Variants in XRN2 observed in about 807,000 individuals in gnomAD.
XRN2 encodes 5'-3' exoribonuclease 2, also known as DHM1-like protein.
Under a neutral mutation model 138.5 loss-of-function variants are expected in XRN2, and 44 were observed. The observed-to-expected ratio is 0.32, with a 90% confidence interval of 0.25 to 0.41. The LOEUF is 0.41. XRN2 is among the 10% of genes least tolerant of loss of function. The probability of loss-of-function intolerance (pLI) is 1.00; values close to 1 mark genes in which losing one functional copy is unlikely to be tolerated. For missense variants in XRN2, 937 were observed against 1,169.3 expected (o/e 0.80, Z 2.90); for synonymous variants, 354 against 369.4 (o/e 0.96, Z 0.48).
At chr20:21,383,005 G>C (rs1181339522) in intron 28 of XRN2, among the ~76,000 whole-genome samples, 1 of 152,102 alleles carries the variant, frequency 6.6e-6, no homozygotes, top group African/African-American at 2.4e-5. Context: ...GAAATGAATA[G>C]TGTTTTTATA....
At chr20:21,380,239 C>A (rs1056781010) in intron 27 of XRN2, among the ~76,000 whole-genome samples, 1 of 152,078 alleles carries the variant, frequency 6.6e-6, no homozygotes, top group Non-Finnish European at 1.5e-5. Context: ...TATATAAGGG[C>A]ACTAAAATGA....
chr20:21,382,329 CTG>C (rs2038894974), intron 28 of XRN2, among the ~76,000 whole-genome samples: 1 of 152,158 alleles, frequency 6.6e-6, no homozygotes, highest in Non-Finnish European at 1.5e-5. Context: ...CAGCTTAAAA[CTG>C]TATTAGGTTT....
intron 27 of XRN2, among the ~76,000 whole-genome samples, chr20:21,379,595 G>A (rs1035115349): frequency 4.6e-5 from 7 of 152,164 alleles, no homozygotes; most frequent in Non-Finnish European, 1.0e-4. Context: ...TGTCCTGGAG[G>A]TGAGAGATAG....
At chr20:21,339,464 G>A (rs190153969) in intron 14 of XRN2, among the ~76,000 whole-genome samples, 3 of 152,272 alleles carry the variant, frequency 2.0e-5, no homozygotes, top group African/African-American at 7.2e-5. Context: ...CTCTAAACTT[G>A]TTTCTCTGCT....
At chr20:21,303,500 A>C in intron 1 of XRN2, 27 bp downstream of exon 1, 3 of 1,534,262 alleles carry the variant, frequency 2.0e-6, no homozygotes, top group East Asian at 2.6e-5. Context: ...CGGCCGCCAC[A>C]CTCGAGCCCG....
In XRN2 at chr20:21,319,422, G is replaced by A. The variant is rs983549421; in HGVS notation, c.76-6857G>A. Among the ~76,000 whole-genome samples, 12 of 151,788 alleles carry A rather than the reference G, an allele frequency of 7.9e-5. No homozygotes were observed. The South Asian group carries it at 1.4e-3, about 18-fold the overall frequency. On this transcript the variant is annotated intron_variant, in intron 1 of 29. Transcript: ENST00000377191. ...AGTTACATTTTACTTTTTGTTTTTT[G>A]TATGTCTCATGTCATTTTTCTCTAT...
intron 1 of XRN2, among the ~76,000 whole-genome samples, chr20:21,321,129 C>T (rs923467165): frequency 1.3e-5 from 2 of 152,102 alleles, no homozygotes; most frequent in Non-Finnish European, 2.9e-5. Flanking sequence ...GATTCTCCCA[C>T]CTCAGCCTCC....
intron 29 of XRN2, among the ~76,000 whole-genome samples, chr20:21,388,035 C>G (rs1043432284): frequency 1.1e-4 from 17 of 152,204 alleles, no homozygotes; most frequent in African/African-American, 3.9e-4. Context: ...AAAATCGTGT[C>G]AGTGAACTAA....
chr20:21,321,687 A>G (rs1203275928), intron 1 of XRN2, among the ~76,000 whole-genome samples: 3 of 152,116 alleles, frequency 2.0e-5, no homozygotes, highest in Admixed American at 2.0e-4. Context: ...ACTTTTGCAA[A>G]TGAATTTTGT....
intron 6 of XRN2, 69 bp from the exon 7 acceptor site, chr20:21,331,492 T>TA: frequency 7.5e-7 from 1 of 1,339,482 alleles, no homozygotes; most frequent in East Asian, 2.3e-5. Flanking sequence ...TTGAGACATA[T>TA]AATTCTTTTG....
intron 27 of XRN2, among the ~76,000 whole-genome samples, chr20:21,374,840 T>A (rs2038800582): frequency 6.6e-6 from 1 of 151,952 alleles, no homozygotes; most frequent in East Asian, 1.9e-4. Flanking sequence ...TTGTTCTCTG[T>A]ATGGGTTATC....
chr20:21,332,582 A>G, intron 9 of XRN2, 142 bp downstream of exon 9: 2 of 833,810 alleles, frequency 2.4e-6, no homozygotes, highest in Non-Finnish European at 3.4e-6. Context: ...TGTTTTTAAA[A>G]TGGATGAAGA....
intron 14 of XRN2, 29 bp downstream of exon 14, chr20:21,339,117 G>T: frequency 6.3e-7 from 1 of 1,584,806 alleles, no homozygotes; most frequent in South Asian, 1.1e-5. Flanking sequence ...CATGAGATTG[G>T]CAATAGCGTA....
chr20:21,303,366 C>T lies in XRN2; in HGVS notation c.-33C>T, dbSNP rs182718306. 7.5e-4 allele frequency: 1,158 copies of T among 1,541,570 alleles called. 8 individuals carry two copies. In the African/African-American group the frequency reaches 0.014, roughly 19 times the overall value. ...CCGTCTCTTTGGTTACGCTCGTCAG[C>T]CGGTCGGCCGCCGCCTCCAGCCGTG... On this transcript the variant is annotated 5_prime_UTR_variant, in exon 1 of 30. Coordinates refer to ENST00000377191, the MANE Select transcript of XRN2 (RefSeq NM_012255.5).
At chr20:21,328,059 G>A (rs927615868) in intron 3 of XRN2, among the ~76,000 whole-genome samples, 1 of 148,996 alleles carries the variant, frequency 6.7e-6, no homozygotes, top group African/African-American at 2.5e-5. Context: ...GAAGTGCACC[G>A]AGATTCTTCA....
At chr20:21,326,100 A>G (rs2038125048) in intron 1 of XRN2, among the ~76,000 whole-genome samples, 179 bp from the exon 2 acceptor site, 1 of 152,248 alleles carries the variant, frequency 6.6e-6, no homozygotes, top group Non-Finnish European at 1.5e-5. Flanking sequence ...TCCACTTTCT[A>G]CAGATAAAAT....
chr20:21,386,732 C>A lies in XRN2; in HGVS notation c.2649-136C>A, dbSNP rs534629218. 412 of 1,080,940 alleles carry A rather than the reference C, an allele frequency of 3.8e-4. 1 individual carries two copies. Among genetic ancestry groups the A allele is most frequent in the Non-Finnish European group, 5.0e-4 (382 of 760,674 alleles). 67.0% of individuals were successfully genotyped at this position (1,080,940 alleles called of 1,614,324 possible). A position where few individuals can be genotyped will look rare whatever the true frequency, so the allele number is the denominator to read the frequency against. On this transcript the variant is annotated intron_variant, in intron 28 of 29. Coordinates refer to ENST00000377191, the MANE Select transcript of XRN2 (RefSeq NM_012255.5). Reference sequence around the variant, plus strand: ...GGATATAAGGGACACAAAGGCCATTCTGATACTCTGTATCCCATATGATAA... The same window carrying A: ...GGATATAAGGGACACAAAGGCCATTATGATACTCTGTATCCCATATGATAA...
intron 6 of XRN2, 146 bp from the exon 7 acceptor site, chr20:21,331,415 A>T (rs1370488099): frequency 3.1e-6 from 2 of 651,748 alleles, no homozygotes; most frequent in African/African-American, 3.7e-5. Flanking sequence ...ACACACACAC[A>T]CACACACACA....
intron 24 of XRN2, among the ~76,000 whole-genome samples, chr20:21,363,839 T>A (rs1246215752): frequency 6.6e-6 from 1 of 152,244 alleles, no homozygotes; most frequent in Non-Finnish European, 1.5e-5. Flanking sequence ...AGTTACTAAC[T>A]TATAGAGAAA....
Sources: gnomAD v4.1 joint callset for allele counts (sites outside exome capture counted in the v4.1 genomes callset) on GRCh38, gnomAD v4.1.1 for gene constraint, MANE v1.5 for transcripts, NCBI Gene and HGNC (gene_info 2026-07-23, HGNC 2026-07-21) for gene names.